Variants in RAB11FIP5 observed in about 807,000 individuals in gnomAD.
The protein encoded by RAB11FIP5 is rab11 family-interacting protein 5.
RAB11FIP5 carries 48 observed loss-of-function variants against 85.1 expected under a neutral mutation model. The observed-to-expected ratio is 0.56, with a 90% CI of 0.45 to 0.72. RAB11FIP5 has a LOEUF of 0.72. Ranked by LOEUF, RAB11FIP5 falls within the 30% of genes least tolerant of loss-of-function variation. The pLI, the probability that RAB11FIP5 is intolerant of heterozygous loss-of-function variation, is 0.00. For synonymous variants in RAB11FIP5, 729 were observed against 727.3 expected (o/e 1.00, Z -0.04); for missense variants, 1,491 against 1,687.0 (o/e 0.88, Z 2.04).
In RAB11FIP5 at chr2:73,076,179, G is replaced by C; in HGVS notation, c.3585C>G (p.Pro1195=). ...CGGCACTGAGGGGCTTCACGGGGTG[G>C]GGACTGCAAAGACATACAAGAGATG... ...PAEEPQPSAS[P]HPVKPLSAAP... The change falls in exon 5 of 6, where the codon CCC becomes CCG. Residue 1195 remains proline (P), a synonymous_variant. Coordinates refer to ENST00000486777, the MANE Select transcript of RAB11FIP5 (RefSeq NM_001371272.1). The C allele has an allele frequency of 1.2e-6, 2 of 1,605,864 alleles. No homozygotes were observed. The highest frequency in any genetic ancestry group is 1.7e-6 in the Non-Finnish European group (2 of 1,173,778).
intron 1 of RAB11FIP5, among the ~76,000 whole-genome samples, chr2:73,092,335 C>A (rs528449051): frequency 3.9e-5 from 6 of 152,248 alleles, no homozygotes; most frequent in Non-Finnish European, 8.8e-5. Context: ...ACTCACACTG[C>A]ACACACCACA....
intron 1 of RAB11FIP5, among the ~76,000 whole-genome samples, chr2:73,097,141 G>A (rs1052823823): frequency 5.3e-5 from 8 of 152,124 alleles, no homozygotes; most frequent in African/African-American, 9.7e-5. Flanking sequence ...AGGTCCAAGC[G>A]ATTCTCCTGC....
intron 1 of RAB11FIP5, among the ~76,000 whole-genome samples, chr2:73,104,602 G>C (rs534927345): frequency 2.6e-5 from 4 of 152,160 alleles, no homozygotes; most frequent in African/African-American, 7.2e-5. Context: ...AACTAAATAG[G>C]AAGTAAAGAA....
In RAB11FIP5 at chr2:73,080,880, A is replaced by G. The variant is rs1683962610; in HGVS notation, c.2352T>C (p.Ser784=). The G allele has an allele frequency of 1.6e-6, 2 of 1,232,410 alleles. No homozygotes were observed. The highest frequency in any genetic ancestry group is 2.0e-6 in the Non-Finnish European group (2 of 988,224). The allele number at this position is 1,232,410 out of a possible 1,614,324, so 76.3% of individuals were successfully genotyped here. A position where few individuals can be genotyped will look rare whatever the true frequency, so the allele number is the denominator to read the frequency against. The change falls in exon 4 of 6, where the codon AGT becomes AGC. Residue 784 remains serine (S), a synonymous_variant. Coordinates refer to ENST00000486777, the MANE Select transcript of RAB11FIP5 (RefSeq NM_001371272.1). ...CTGGGGAGCTAAATAGAGATGTCCCACTGTCTGCCGGACTCTGCCCTGCTT... is the reference window on the plus strand; with the variant it reads ...CTGGGGAGCTAAATAGAGATGTCCCGCTGTCTGCCGGACTCTGCCCTGCTT... ...EVEAGQSPAD[S]GTSLFSSPEV...
intron 3 of RAB11FIP5, among the ~76,000 whole-genome samples, chr2:73,083,022 C>T (rs529039974): frequency 6.6e-6 from 1 of 152,246 alleles, no homozygotes; most frequent in Non-Finnish European, 1.5e-5. Context: ...TGTTCCTTGG[C>T]TCCTGCCTGT....
chr2:73,084,973 A>C (rs1256295158), intron 3 of RAB11FIP5, among the ~76,000 whole-genome samples: 1 of 152,202 alleles, frequency 6.6e-6, no homozygotes, highest in African/African-American at 2.4e-5. Flanking sequence ...ACCTGGGCAC[A>C]ATGAGGTGAC....
chr2:73,104,777 C>G (rs1174560467), intron 1 of RAB11FIP5, among the ~76,000 whole-genome samples: 1 of 152,188 alleles, frequency 6.6e-6, no homozygotes, highest in Non-Finnish European at 1.5e-5. Context: ...TCCCAAGAAG[C>G]CCACCCTGAT....
Position 73,088,208 on chromosome 2 carries a change from T to A in RAB11FIP5, c.1410A>T (p.Gln470His). Residue 470 changes from glutamine to histidine, a missense_variant, in exon 3 of 6, where the codon CAA (glutamine) becomes CAT (histidine). Gln to His is a conservative substitution (Grantham distance 24). Coordinates refer to ENST00000486777, the MANE Select transcript of RAB11FIP5 (RefSeq NM_001371272.1). Reference protein sequence around the residue: ...PRMGLFHHHHQGLSRSELGRR... With the variant: ...PRMGLFHHHHHGLSRSELGRR... The stretch of plus-strand genomic sequence containing the variant: ...GACCCAACTCGCTCCGACTTAGGCC[T>A]TGGTGGTGGTGGTGGAAGAGACCCA... 1 of 1,613,858 alleles carries A rather than the reference T, an allele frequency of 6.2e-7. No individual in the cohort carries two copies. Among genetic ancestry groups the A allele is most frequent in the Non-Finnish European group, 8.5e-7 (1 of 1,180,002 alleles).
intron 1 of RAB11FIP5, among the ~76,000 whole-genome samples, chr2:73,099,754 C>T (rs930403675): frequency 1.3e-5 from 2 of 152,236 alleles, no homozygotes; most frequent in Admixed American, 6.5e-5. Context: ...CCCAACATCA[C>T]AGTCCCCAGT....
chr2:73,077,557 A>G (rs906721730), intron 4 of RAB11FIP5, among the ~76,000 whole-genome samples: 2 of 152,030 alleles, frequency 1.3e-5, no homozygotes, highest in African/African-American at 4.8e-5. Context: ...CTCTAACACA[A>G]TCTGGTCCCT....
At chr2:73,076,353 A>T (rs930180720) in intron 4 of RAB11FIP5, among the ~76,000 whole-genome samples, 171 bp from the exon 5 acceptor site, 1 of 152,012 alleles carries the variant, frequency 6.6e-6, no homozygotes, top group Non-Finnish European at 1.5e-5. Flanking sequence ...AGTACTCCTC[A>T]GCAACCCCCT....
intron 1 of RAB11FIP5, among the ~76,000 whole-genome samples, chr2:73,091,181 G>A (rs186894552): frequency 2.0e-4 from 31 of 152,278 alleles, no homozygotes; most frequent in African/African-American, 5.1e-4. Flanking sequence ...AGTATGCAGC[G>A]CAATGAACTA....
chr2:73,087,952 A>G lies in RAB11FIP5; in HGVS notation c.1568+98T>C, dbSNP rs972785208. 3 of 1,198,230 alleles carry G rather than the reference A, an allele frequency of 2.5e-6. No individual in the cohort carries two copies. The African/African-American group carries it at 4.6e-5, about 18-fold the overall frequency. The allele number at this position is 1,198,230 out of a possible 1,614,324, so 74.2% of individuals were successfully genotyped here. A position where few individuals can be genotyped will look rare whatever the true frequency, so the allele number is the denominator to read the frequency against. ...AGCCAGAGCCCCAGCAGCCTGCCTG[A>G]GGTCCATATCTACTCCTTCCTCCCT... On this transcript the variant is annotated intron_variant, in intron 3 of 5. Transcript: ENST00000486777.
rs1683964274 is a variant in RAB11FIP5, at chr2:73,080,964, C to G, written c.2268G>C (p.Gln756His). 1 of 1,232,208 alleles carries G rather than the reference C, an allele frequency of 8.1e-7. No homozygotes were observed. The highest frequency in any genetic ancestry group is 4.1e-5 in the South Asian group (1 of 24,328). 76.3% of individuals were successfully genotyped at this position (1,232,208 alleles called of 1,614,324 possible). A position where few individuals can be genotyped will look rare whatever the true frequency, so the allele number is the denominator to read the frequency against. Residue 756 changes from glutamine (Q) to histidine (H), a missense_variant, in exon 4 of 6, where the codon CAG becomes CAC. By Grantham distance (24) the Gln-to-His change is conservative. This residue lies in a region of RAB11FIP5 where 1,211 missense variants were observed against 1,338.0 expected (regional missense o/e 0.91). Transcript: ENST00000486777. ...CTGAGCCTGAGGCTCTCAGCTGTAGCTGGGCTGACGAGGAGGGCAGGCCAG... is the reference window on the plus strand; with the variant it reads ...CTGAGCCTGAGGCTCTCAGCTGTAGGTGGGCTGACGAGGAGGGCAGGCCAG... The part of the protein sequence containing the change: ...VGAGLPSSSA[Q>H]LQLRASGSEP...
intron 1 of RAB11FIP5, among the ~76,000 whole-genome samples, chr2:73,098,251 G>C (rs192135952): frequency 3.3e-5 from 5 of 152,280 alleles, no homozygotes; most frequent in Admixed American, 1.3e-4. Flanking sequence ...AATCTGAAAT[G>C]CTCCAAAACT....
intron 4 of RAB11FIP5, among the ~76,000 whole-genome samples, chr2:73,077,346 A>C (rs1421645123): frequency 6.6e-6 from 1 of 152,148 alleles, no homozygotes; most frequent in African/African-American, 2.4e-5. Context: ...ACAATCAAGC[A>C]CTGCCACCTT....
At chr2:73,096,951 C>T (rs1684330262) in intron 1 of RAB11FIP5, among the ~76,000 whole-genome samples, 1 of 152,236 alleles carries the variant, frequency 6.6e-6, no homozygotes, top group Non-Finnish European at 1.5e-5. Context: ...CCATGGTTCA[C>T]TCACTCATTC....
intron 1 of RAB11FIP5, among the ~76,000 whole-genome samples, chr2:73,095,144 C>A (rs1355815696): frequency 6.6e-6 from 1 of 152,182 alleles, no homozygotes; most frequent in Non-Finnish European, 1.5e-5. Flanking sequence ...GGGGCACCAT[C>A]TGGGGCACTT....
At chr2:73,085,123 AG>A (rs1216727699) in intron 3 of RAB11FIP5, among the ~76,000 whole-genome samples, 4 of 152,316 alleles carry the variant, frequency 2.6e-5, no homozygotes, top group South Asian at 4.1e-4. Context: ...ACTAACTCCA[AG>A]CCACTGGGAG....
Sources: allele counts gnomAD v4.1 joint callset (sites outside exome capture counted in the v4.1 genomes callset), GRCh38; gene constraint gnomAD v4.1.1; regional missense constraint gnomAD v4.1.1; transcripts MANE v1.5; gene names NCBI Gene and HGNC (gene_info 2026-07-23, HGNC 2026-07-21).